The following KIRREL3 variants were observed in gnomAD, a reference collection of about 807,000 sequenced individuals.
The protein encoded by KIRREL3 is kirre like nephrin family adhesion molecule 3.
In KIRREL3, 36 loss-of-function variants were observed where a neutral mutation model predicts 89.7. The observed-to-expected ratio is 0.40, with a 90% CI of 0.31 to 0.53. The LOEUF (loss-of-function observed/expected upper bound fraction) is 0.53. Among genes scored for constraint, KIRREL3 ranks in the 20% least tolerant of loss-of-function variants. The probability of loss-of-function intolerance (pLI) is 0.49; values close to 1 mark genes in which losing one functional copy is unlikely to be tolerated. For missense variants in KIRREL3, 864 were observed against 1,056.6 expected (o/e 0.82, Z 2.53); for synonymous variants, 445 against 441.4 (o/e 1.01, Z -0.10).
chr11:126,779,852 T>G (rs1361299778), intron 1 of KIRREL3, among the ~76,000 whole-genome samples: 1 of 152,090 alleles, frequency 6.6e-6, no homozygotes, highest in African/African-American at 2.4e-5. Context: ...ATAATACTTC[T>G]GTCTTAGGAT....
chr11:126,455,267 C>T lies in KIRREL3; in HGVS notation c.848+1082G>A, dbSNP rs1284329000. Reference sequence around the variant, plus strand: ...GCACCCAAAAGGAGGTGAGTCTGCCCTTGAGTGCCTCCAAGGTCACTTAGT... The same window carrying T: ...GCACCCAAAAGGAGGTGAGTCTGCCTTTGAGTGCCTCCAAGGTCACTTAGT... On this transcript the variant is annotated intron_variant, in intron 7 of 16. Transcript: ENST00000525144. This position sits in a 1 kb window ranked among gnomAD's most constrained non-coding sequence, Gnocchi z 6.4. Among the ~76,000 whole-genome samples, 1 of 152,208 alleles carries T rather than the reference C, an allele frequency of 6.6e-6. No homozygotes were observed. The highest frequency in any genetic ancestry group is 6.5e-5 in the Admixed American group (1 of 15,280).
rs1418941019 is a variant in KIRREL3, at chr11:126,535,652, C to T, written c.134-8965G>A. 6.6e-6 allele frequency among the ~76,000 whole-genome samples: 1 copy of T among 152,094 alleles called. No individual in the cohort carries two copies. Among genetic ancestry groups the T allele is most frequent in the Admixed American group, 6.6e-5 (1 of 15,250 alleles). ...GCCTCAACCCCACCTTTTCTCCAGCCAGACATTTGCTGCTTCTATTCCTTA... is the reference window on the plus strand; with the variant it reads ...GCCTCAACCCCACCTTTTCTCCAGCTAGACATTTGCTGCTTCTATTCCTTA... On this transcript the variant is annotated intron_variant, in intron 2 of 16. Coordinates refer to ENST00000525144, the MANE Select transcript of KIRREL3 (RefSeq NM_032531.4). The surrounding 1 kb of genome is among the most constrained non-coding windows in gnomAD (Gnocchi z 4.5).
At position 126,550,744 on chromosome 11, in the gene KIRREL3, T is replaced by C. The variant is rs1939191998; in HGVS notation, c.133+12091A>G. On this transcript the variant is annotated intron_variant, in intron 2 of 16. Transcript: ENST00000525144. The surrounding 1 kb of genome is among the most constrained non-coding windows in gnomAD (Gnocchi z 4.9). ...ACAAAAACAGCTGGGTGTGAAATGT[T>C]GGAGAAAACTCTCCCCAACTGCATT... The C allele has an allele frequency of 6.6e-6, 1 of 152,152 alleles. No homozygotes were observed. The highest frequency in any genetic ancestry group is 1.9e-4 in the East Asian group (1 of 5,184). 9.4% of individuals were successfully genotyped at this position (152,152 alleles called of 1,614,324 possible).
At position 126,954,412 on chromosome 11, in the gene KIRREL3, G is replaced by A. The variant is rs1479396435; in HGVS notation, c.55+46043C>T. 6.6e-6 allele frequency among the ~76,000 whole-genome samples: 1 copy of A among 152,088 alleles called. No homozygotes were observed. The highest frequency in any genetic ancestry group is 1.5e-5 in the Non-Finnish European group (1 of 68,022). On this transcript the variant is annotated intron_variant, in intron 1 of 16. Transcript: ENST00000525144. This position sits in a 1 kb window ranked among gnomAD's most constrained non-coding sequence, Gnocchi z 4.1. ...ATTGATTTACTTAATATTCATTGCT[G>A]ATAACATGAAGGATCTGTAAATTAC...
intron 1 of KIRREL3, among the ~76,000 whole-genome samples, chr11:126,706,653 C>T (rs1947538661): frequency 6.6e-6 from 1 of 152,174 alleles, no homozygotes; most frequent in Non-Finnish European, 1.5e-5. Flanking sequence ...ATGCTCAAAC[C>T]TTTCATCTTC....
At chr11:126,777,155 G>A (rs1235742829) in intron 1 of KIRREL3, among the ~76,000 whole-genome samples, 3 of 152,158 alleles carry the variant, frequency 2.0e-5, no homozygotes, top group Non-Finnish European at 4.4e-5. Context: ...GGATTGCAAT[G>A]CCTGGGGATT....
Position 126,676,248 on chromosome 11 carries a change from A to G in KIRREL3, c.56-113336T>C, listed in dbSNP as rs997402290. ...ACGGGCAAAGATGAAATCAGCTAGGAAAGAAAGCACAGAACCATCAGGAGG... is the reference window on the plus strand; with the variant it reads ...ACGGGCAAAGATGAAATCAGCTAGGGAAGAAAGCACAGAACCATCAGGAGG... On this transcript the variant is annotated intron_variant, in intron 1 of 16. Transcript: ENST00000525144. This position sits in a 1 kb window ranked among gnomAD's most constrained non-coding sequence, Gnocchi z 4.5. Among the ~76,000 whole-genome samples, 1 of 152,186 alleles carries G rather than the reference A, an allele frequency of 6.6e-6. No individual in the cohort carries two copies. The highest frequency in any genetic ancestry group is 1.5e-5 in the Non-Finnish European group (1 of 68,032).
intron 10 of KIRREL3, among the ~76,000 whole-genome samples, chr11:126,444,669 A>G (rs111246661): frequency 0.19 from 28,553 of 152,130 alleles, 3,348 homozygotes; most frequent in Admixed American, 0.31. Context: ...CACGTTGGCC[A>G]CCTAGTGACC....
rs1020039740 is a variant in KIRREL3, at chr11:126,569,363, G to A, written c.56-6451C>T. Among the ~76,000 whole-genome samples, 3 of 152,238 alleles carry A rather than the reference G, an allele frequency of 2.0e-5. No homozygotes were observed. The highest frequency in any genetic ancestry group is 3.4e-3 in the Middle Eastern group (1 of 294). ...GACCTCAGAGGGTAAACATTTTGTTGGGGGAAACAGCAGTTGGATCCTGTG... is the reference window on the plus strand; with the variant it reads ...GACCTCAGAGGGTAAACATTTTGTTAGGGGAAACAGCAGTTGGATCCTGTG... On this transcript the variant is annotated intron_variant, in intron 1 of 16. Transcript: ENST00000525144. This position sits in a 1 kb window ranked among gnomAD's most constrained non-coding sequence, Gnocchi z 6.5.
In KIRREL3 at chr11:126,923,169, TCTTCTTCTCTTCTTCTTCTC is replaced by T. The variant is rs1592368616; in HGVS notation, c.55+77266_55+77285del. ...TTCTTCTTCTTCTTCTTCTTCTTCT[TCTTCTTCTCTTCTTCTTCTC>T]TTCTTCTTCTTCTTCTTCTTCTTCT... On this transcript the variant is annotated intron_variant, in intron 1 of 16. Transcript: ENST00000525144. 4.5e-4 allele frequency among the ~76,000 whole-genome samples: 11 copies of T among 24,266 alleles called. 3 individuals carry two copies. Among genetic ancestry groups the T allele is most frequent in the East Asian group, 2.5e-3 (5 of 2,018 alleles). The allele number at this position is 24,266 out of a possible 152,430, so 15.9% of individuals were successfully genotyped here. A position where few individuals can be genotyped will look rare whatever the true frequency, so the allele number is the denominator to read the frequency against.
intron 1 of KIRREL3, among the ~76,000 whole-genome samples, chr11:126,884,552 T>A (rs920051594): frequency 2.6e-5 from 4 of 152,148 alleles, no homozygotes; most frequent in African/African-American, 9.7e-5. Context: ...GCTGACTGGG[T>A]TCATGACAGA....
chr11:126,893,308 C>T (rs1051768596), intron 1 of KIRREL3, among the ~76,000 whole-genome samples: 3 of 152,202 alleles, frequency 2.0e-5, no homozygotes, highest in Non-Finnish European at 2.9e-5. Flanking sequence ...CAGCAATTAG[C>T]AAAGGTAACA....
Position 126,523,356 on chromosome 11 carries a change from G to T in KIRREL3, c.284-1892C>A, listed in dbSNP as rs2134435845. Among the ~76,000 whole-genome samples, 1 of 152,252 alleles carries T rather than the reference G, an allele frequency of 6.6e-6. No individual in the cohort carries two copies. Among genetic ancestry groups the T allele is most frequent in the East Asian group, 1.9e-4 (1 of 5,170 alleles). On this transcript the variant is annotated intron_variant, in intron 3 of 16. Transcript: ENST00000525144. This position sits in a 1 kb window ranked among gnomAD's most constrained non-coding sequence, Gnocchi z 4.9. ...AGGTGGGGCAGGCCTCCCTGGGGGT[G>T]GGCTGTACAACGGGCCACCAGCACT...
At chr11:126,801,991 C>G (rs1368228161) in intron 1 of KIRREL3, among the ~76,000 whole-genome samples, 1 of 152,106 alleles carries the variant, frequency 6.6e-6, no homozygotes, top group Non-Finnish European at 1.5e-5. Context: ...TAAGATTTCA[C>G]CTCACTGTCT....
Position 126,441,437 on chromosome 11 carries a change from G to A in KIRREL3, c.1253-888C>T, listed in dbSNP as rs1591537250. 6.6e-6 allele frequency among the ~76,000 whole-genome samples: 1 copy of A among 152,304 alleles called. No homozygotes were observed. Among genetic ancestry groups the A allele is most frequent in the South Asian group, 2.1e-4 (1 of 4,824 alleles). ...TTTCCCCTGTGACGCCTGCCTGGCC[G>A]TGAAAGACAAAAGAAGGAGCAGCTA... On this transcript the variant is annotated intron_variant, in intron 10 of 16. Coordinates refer to ENST00000525144, the MANE Select transcript of KIRREL3 (RefSeq NM_032531.4). The surrounding 1 kb of genome is among the most constrained non-coding windows in gnomAD (Gnocchi z 5.0).
intron 1 of KIRREL3, among the ~76,000 whole-genome samples, chr11:126,777,232 A>T (rs1479733531): frequency 6.6e-6 from 1 of 152,206 alleles, no homozygotes; most frequent in Non-Finnish European, 1.5e-5. Flanking sequence ...GGCTGCAGAC[A>T]TCCTACAATG....
chr11:126,466,367 C>T (rs1028299156), intron 5 of KIRREL3, among the ~76,000 whole-genome samples: 3 of 152,242 alleles, frequency 2.0e-5, no homozygotes, highest in South Asian at 2.1e-4. Context: ...GCCCCTAGCT[C>T]GCGGGGGACC....
Position 126,898,559 on chromosome 11 carries a change from A to C in KIRREL3, c.55+101896T>G, listed in dbSNP as rs79878669. ...TACCTAACAATACGAACAATTCCTA[A>C]AAGCAGCGTTAGTTGAAAGCAGAAA... is the stretch of plus-strand genomic sequence containing the variant. On this transcript the variant is annotated intron_variant, in intron 1 of 16. Coordinates refer to ENST00000525144, the MANE Select transcript of KIRREL3 (RefSeq NM_032531.4). The surrounding 1 kb of genome is among the most constrained non-coding windows in gnomAD (Gnocchi z 4.9). Among the ~76,000 whole-genome samples, 132 of 152,330 alleles carry C rather than the reference A, an allele frequency of 8.7e-4. No individual in the cohort carries two copies. Among genetic ancestry groups the C allele is most frequent in the Middle Eastern group, 3.4e-3 (1 of 294 alleles).
At chr11:126,784,805 G>A (rs972585713) in intron 1 of KIRREL3, among the ~76,000 whole-genome samples, 1 of 152,186 alleles carries the variant, frequency 6.6e-6, no homozygotes, top group African/African-American at 2.4e-5. Context: ...TTTACTTAGC[G>A]CTTGTCCTGC....
Sources: gnomAD v4.1 joint callset for allele counts (sites outside exome capture counted in the v4.1 genomes callset) on GRCh38, gnomAD v4.1.1 for gene constraint, Gnocchi (gnomAD v3.1) non-coding constraint, MANE v1.5 for transcripts, NCBI Gene and HGNC (gene_info 2026-07-23, HGNC 2026-07-21) for gene names.